ALS2: variants seen among roughly 807,000 people sequenced by gnomAD.
The protein encoded by ALS2 is alsin Rho guanine nucleotide exchange factor ALS2.
In ALS2, 117 loss-of-function variants were observed where a neutral mutation model predicts 203.4. The ratio of observed to expected loss-of-function variants is 0.58; its 90% CI spans 0.50 to 0.67. ALS2 has a LOEUF of 0.67. Among genes scored for constraint, ALS2 ranks in the 30% least tolerant of loss-of-function variants. ALS2 has a pLI of 0.00. For missense variants in ALS2, 1,715 were observed against 1,989.4 expected (o/e 0.86, Z 2.62); for synonymous variants, 718 against 725.9 (o/e 0.99, Z 0.17).
intron 1 of ALS2, among the ~76,000 whole-genome samples, chr2:201,773,942 A>G (rs1423616202): frequency 6.6e-6 from 1 of 152,206 alleles, no homozygotes; most frequent in Admixed American, 6.5e-5. Flanking sequence ...GGATTTGCCA[A>G]CACAGGTAAC....
Position 201,760,687 on chromosome 2 carries a change from G to A in ALS2, c.1113+194C>T, listed in dbSNP as rs112031007. 1.6e-5 allele frequency: 22 copies of A among 1,402,482 alleles called. No individual in the cohort carries two copies. The African/African-American group carries it at 1.7e-4, about 11-fold the overall frequency. The allele number at this position is 1,402,482 out of a possible 1,614,324, so 86.9% of individuals were successfully genotyped here. ...CACCTTTCAATATCATAAAGGGCCA[G>A]AACAAACATAAAGAGTGATTTTGAA... On this transcript the variant is annotated intron_variant, in intron 4 of 33. Transcript: ENST00000264276.
rs368422497 is a variant in ALS2 at position 201,724,456 on chromosome 2, A to T, written c.3351T>A (p.Tyr1117Ter). 6.2e-7 allele frequency: 1 copy of T among 1,613,910 alleles called. No individual in the cohort carries two copies. The highest frequency in any genetic ancestry group is 8.5e-7 in the Non-Finnish European group (1 of 1,179,920). Residue 1117 changes from tyrosine (Y) to a stop codon, truncating the protein, a stop_gained, in exon 21 of 34, where the codon TAT (tyrosine) becomes TAA (stop). Coordinates refer to ENST00000264276, the MANE Select transcript of ALS2 (RefSeq NM_020919.4). LOFTEE classifies it high-confidence loss of function. ...AGCCCTCAAATACTTCACCAGAAGC[A>T]TAGCTGTGGTTGGAAAGAATGGATA... ...GKMCGQGVYS[Y>*]ASGEVFEGCF...
intron 4 of ALS2, among the ~76,000 whole-genome samples, chr2:201,758,755 T>C (rs74720464): frequency 1.1e-4 from 9 of 80,314 alleles, no homozygotes; most frequent in Middle Eastern, 7.0e-3. Flanking sequence ...TGTGTGTGTG[T>C]GCGCATGTGT....
intron 1 of ALS2, among the ~76,000 whole-genome samples, chr2:201,774,275 A>G (rs529059653): frequency 4.6e-5 from 7 of 152,336 alleles, no homozygotes; most frequent in African/African-American, 1.7e-4. Flanking sequence ...GGAGGATGCC[A>G]TCCAGAATAT....
At chr2:201,737,479 T>C (rs939589006) in intron 12 of ALS2, among the ~76,000 whole-genome samples, 1 of 152,168 alleles carries the variant, frequency 6.6e-6, no homozygotes, top group Non-Finnish European at 1.5e-5. Flanking sequence ...TCTACAACTT[T>C]TAGAAATAGG....
chr2:201,763,102 G>T (rs1693852898), intron 3 of ALS2: 1 of 193,240 alleles, frequency 5.2e-6, no homozygotes. Context: ...TGTTGCCACT[G>T]GGGACTACAA....
chr2:201,711,000 A>G lies in ALS2; in HGVS notation c.4113T>C (p.Tyr1371=). Residue 1371 remains tyrosine (Y), a synonymous_variant, in exon 26 of 34, where the codon TAT becomes TAC. Transcript: ENST00000264276. The stretch of plus-strand genomic sequence containing the variant: ...TTTTACTCTAGTTTACCTTTATTAA[A>G]TATTTCCTGATGTCATCATATTTCT... ...SVEKYDDIRK[Y]LIKACDTPLH... 1 of 1,594,190 alleles carries G rather than the reference A, an allele frequency of 6.3e-7. No homozygotes were observed. The highest frequency in any genetic ancestry group is 8.6e-7 in the Non-Finnish European group (1 of 1,162,090).
chr2:201,730,313 G>A (rs778756985), intron 13 of ALS2, among the ~76,000 whole-genome samples: 2 of 152,008 alleles, frequency 1.3e-5, no homozygotes, highest in Non-Finnish European at 2.9e-5. Flanking sequence ...TTGGACATAT[G>A]GAAAATATCG....
rs1689376184 is a variant in ALS2, at chr2:201,701,325, C to T, written c.*526G>A. The T allele has an allele frequency of 1.3e-5, 2 of 152,992 alleles. No individual in the cohort carries two copies. The highest frequency in any genetic ancestry group is 4.1e-4 in the South Asian group (2 of 4,834). The allele number at this position is 152,992 out of a possible 1,614,324, so 9.5% of individuals were successfully genotyped here. On this transcript the variant is annotated 3_prime_UTR_variant, in exon 34 of 34. Coordinates refer to ENST00000264276, the MANE Select transcript of ALS2 (RefSeq NM_020919.4). ...CAGTTTAAAAGTTCCTTTCTCCCCT[C>T]CCTTGGCAAAGAGACATGATGCACA...
At chr2:201,702,679 C>T (rs1689464064) in intron 33 of ALS2, among the ~76,000 whole-genome samples, 1 of 152,114 alleles carries the variant, frequency 6.6e-6, no homozygotes, top group Non-Finnish European at 1.5e-5. Flanking sequence ...GAGTATTTTT[C>T]TACATGTAAA....
intron 1 of ALS2, among the ~76,000 whole-genome samples, chr2:201,771,247 A>C (rs902667407): frequency 2.0e-5 from 3 of 152,010 alleles, no homozygotes; most frequent in Non-Finnish European, 4.4e-5. Context: ...GGGTTTCACC[A>C]TGTTGGCCAG....
chr2:201,724,231 T>C, intron 21 of ALS2, 64 bp downstream of exon 21: 1 of 1,522,376 alleles, frequency 6.6e-7, no homozygotes, highest in Non-Finnish European at 9.1e-7. Flanking sequence ...ATAAACTGCT[T>C]GTTAAATAAT....
At position 201,701,709 on chromosome 2, in the gene ALS2, T is replaced by C. The variant is rs964370002; in HGVS notation, c.*142A>G. On this transcript the variant is annotated 3_prime_UTR_variant, in exon 34 of 34. Coordinates refer to ENST00000264276, the MANE Select transcript of ALS2 (RefSeq NM_020919.4). ...TTTCTGGGCTCAGGGCTCTTATTAT[T>C]GGTAAGGCTCATTCTAACAACCTAA... The C allele has an allele frequency of 1.5e-5, 12 of 776,240 alleles. No individual in the cohort carries two copies. The highest frequency in any genetic ancestry group is 2.6e-5 in the Non-Finnish European group (12 of 455,558). 48.1% of individuals were successfully genotyped at this position (776,240 alleles called of 1,614,324 possible). A position where few individuals can be genotyped will look rare whatever the true frequency, so the allele number is the denominator to read the frequency against.
intron 13 of ALS2, among the ~76,000 whole-genome samples, chr2:201,730,785 A>G (rs1327012284): frequency 6.6e-6 from 1 of 152,198 alleles, no homozygotes; most frequent in East Asian, 1.9e-4. Flanking sequence ...GGACATTCTT[A>G]AGCGAAATTG....
intron 23 of ALS2, chr2:201,722,595 A>G (rs976515917): frequency 6.3e-6 from 1 of 158,976 alleles, no homozygotes; most frequent in South Asian, 1.8e-4. Flanking sequence ...ATGTCCATCA[A>G]CTGGTAAAAG....
rs1693770424 is a variant in ALS2, at chr2:201,761,556, A to G, written c.438T>C (p.Pro146=). ...ACTGTAAAATCCTGACTGCTAACAA[A>G]GGGCTGGCCTCAGAATCAGCAATGC... ...PVSIADSEAS[P]LLAVRILQLA... is the part of the protein sequence containing the mutation. Residue 146 remains proline, a synonymous_variant, in exon 4 of 34, where the codon CCT becomes CCC. Transcript: ENST00000264276. 6.2e-7 allele frequency: 1 copy of G among 1,614,088 alleles called. No individual in the cohort carries two copies. The highest frequency in any genetic ancestry group is 8.5e-7 in the Non-Finnish European group (1 of 1,180,036).
intron 19 of ALS2, 95 bp downstream of exon 19, chr2:201,726,389 C>T (rs1389153168): frequency 8.9e-6 from 10 of 1,125,304 alleles, no homozygotes; most frequent in Non-Finnish European, 1.3e-5. Context: ...CAAAAATCTA[C>T]TACTTGTTTG....
intron 20 of ALS2, 46 bp downstream of exon 20, chr2:201,725,310 G>T: frequency 6.7e-7 from 1 of 1,502,314 alleles, no homozygotes; most frequent in Non-Finnish European, 9.3e-7. Flanking sequence ...GGTTTACATG[G>T]TTATATGAAA....
rs145612184 is a variant in ALS2, at chr2:201,727,553, T to G, written c.2912+152A>C. The G allele has an allele frequency of 8.1e-4, 591 of 730,802 alleles. 3 individuals are homozygous for G. Among genetic ancestry groups the G allele is most frequent in the Non-Finnish European group, 1.3e-3 (537 of 427,768 alleles). The allele number at this position is 730,802 out of a possible 1,614,324, so 45.3% of individuals were successfully genotyped here. A position where few individuals can be genotyped will look rare whatever the true frequency, so the allele number is the denominator to read the frequency against. ...ACAGGCCATTTTATTATCAATAGAC[T>G]ACTTTACTGTCTAATGTGCTGAGAG... On this transcript the variant is annotated intron_variant, in intron 16 of 33. Transcript: ENST00000264276.
Sources: allele counts gnomAD v4.1 joint callset (sites outside exome capture counted in the v4.1 genomes callset), GRCh38; gene constraint gnomAD v4.1.1; transcripts MANE v1.5; gene names NCBI Gene and HGNC (gene_info 2026-07-23, HGNC 2026-07-21).